The following GLIS3 variants were observed in gnomAD, a reference collection of about 807,000 sequenced individuals.
GLIS3 encodes GLIS family zinc finger 3.
A neutral mutation model predicts 78.6 loss-of-function variants in GLIS3; 53 were observed. The ratio of observed to expected loss-of-function variants is 0.67; its 90% CI spans 0.54 to 0.85. GLIS3 has a LOEUF of 0.85. GLIS3 is among the 40% of genes least tolerant of loss of function. The pLI is 0.00. For synonymous variants in GLIS3, 684 were observed against 509.9 expected, an observed-to-expected ratio of 1.34 and a Z score of -4.60; for missense variants, 1,703 against 1,231.1, an observed-to-expected ratio of 1.38 and a Z score of -5.74.
intron 2 of GLIS3, chr9:4,150,857 C>G (rs1360871322): frequency 6.6e-6 from 1 of 152,212 alleles, no homozygotes; most frequent in East Asian, 1.9e-4. Context: ...AGTACTTGGG[C>G]ACCCAACTAA....
At chr9:3,943,836 C>T (rs1172350483) in intron 4 of GLIS3, among the ~76,000 whole-genome samples, 1 of 152,206 alleles carries the variant, frequency 6.6e-6, no homozygotes, top group African/African-American at 2.4e-5. Context: ...TCCAGATTAT[C>T]TGGAACTACT....
the GLIS3 span, among the ~76,000 whole-genome samples, chr9:4,407,474 T>A: frequency 1.3e-5 from 2 of 152,024 alleles, no homozygotes; most frequent in Non-Finnish European, 2.9e-5. Context: ...TGAAACCCCG[T>A]CTCTACTAAA....
intron 2 of GLIS3, among the ~76,000 whole-genome samples, chr9:4,199,968 C>T (rs1280728948): frequency 6.6e-6 from 1 of 152,088 alleles, no homozygotes; most frequent in African/African-American, 2.4e-5. Flanking sequence ...ACTCTTGGAC[C>T]ACAGTGGAAT....
chr9:4,283,331 T>C (rs1404913597), intron 2 of GLIS3, among the ~76,000 whole-genome samples: 1 of 151,328 alleles, frequency 6.6e-6, no homozygotes, highest in Admixed American at 6.6e-5. Context: ...AATGGCGCAA[T>C]CTCTGCTCAC....
At chr9:3,964,711 T>C (rs1405122701) in intron 4 of GLIS3, among the ~76,000 whole-genome samples, 1 of 152,214 alleles carries the variant, frequency 6.6e-6, no homozygotes, top group African/African-American at 2.4e-5. Flanking sequence ...TTTTCATATT[T>C]TGTCTTCAAA....
At chr9:4,217,696 G>C (rs544877108) in intron 2 of GLIS3, among the ~76,000 whole-genome samples, 1 of 152,278 alleles carries the variant, frequency 6.6e-6, no homozygotes, top group African/African-American at 2.4e-5. Context: ...ACAGGCCCAG[G>C]GCAGGATTCT....
chr9:3,837,500 C>G (rs762602772), intron 9 of GLIS3, among the ~76,000 whole-genome samples: 4 of 152,052 alleles, frequency 2.6e-5, no homozygotes, highest in Non-Finnish European at 5.9e-5. Flanking sequence ...TCATCACTGC[C>G]AAAATTTGGA....
intron 2 of GLIS3, among the ~76,000 whole-genome samples, chr9:4,244,437 C>G (rs543192846): frequency 2.0e-5 from 3 of 152,148 alleles, no homozygotes; most frequent in Non-Finnish European, 4.4e-5. Context: ...TTAAATATTA[C>G]ATAAAATGAG....
intron 4 of GLIS3, among the ~76,000 whole-genome samples, chr9:4,079,419 G>C (rs1828356444): frequency 6.6e-6 from 1 of 152,146 alleles, no homozygotes; most frequent in South Asian, 2.1e-4. Flanking sequence ...GCAAGCCATA[G>C]CGAAGAAAGC....
intron 4 of GLIS3, among the ~76,000 whole-genome samples, chr9:4,059,596 T>C (rs541699178): frequency 2.0e-5 from 3 of 152,202 alleles, no homozygotes. Context: ...GGGAATAACC[T>C]GGAGACTGGT....
intron 6 of GLIS3, among the ~76,000 whole-genome samples, chr9:3,921,445 C>G (rs943122978): frequency 1.3e-5 from 2 of 152,164 alleles, no homozygotes; most frequent in Non-Finnish European, 2.9e-5. Context: ...CAAACTCAGT[C>G]AGGCACAGTT....
chr9:4,487,208 A>G, the GLIS3 span, among the ~76,000 whole-genome samples: 19 of 152,214 alleles, frequency 1.2e-4, no homozygotes, highest in South Asian at 2.7e-3. Flanking sequence ...CTGATGATCA[A>G]TGAGCAAGAG....
rs145670205 is a variant in GLIS3 at position 3,898,851 on chromosome 9, G to A, written c.1984-16C>T. 8.1e-5 allele frequency: 130 copies of A among 1,613,790 alleles called. No homozygotes were observed. Among genetic ancestry groups the A allele is most frequent in the Non-Finnish European group, 1.0e-4 (119 of 1,179,992 alleles). ...TGGACCGCAACTAAGAGGACAAAACGGAAGAGACATCGATAAGGAGAGCCG... is the reference window on the plus strand; with the variant it reads ...TGGACCGCAACTAAGAGGACAAAACAGAAGAGACATCGATAAGGAGAGCCG... On this transcript the variant is annotated splice_polypyrimidine_tract_variant and intron_variant, in intron 6 of 10. Transcript: ENST00000381971.
At chr9:3,941,265 G>A (rs1011019594) in intron 4 of GLIS3, among the ~76,000 whole-genome samples, 4 of 152,090 alleles carry the variant, frequency 2.6e-5, no homozygotes, top group Non-Finnish European at 1.5e-5. Flanking sequence ...GGATGGAAGA[G>A]GCATCTCCAT....
chr9:3,939,933 A>C (rs1182591629), intron 4 of GLIS3, among the ~76,000 whole-genome samples: 1 of 152,256 alleles, frequency 6.6e-6, no homozygotes, highest in Non-Finnish European at 1.5e-5. Context: ...AACTCATCAC[A>C]GGAGTGTGCA....
chr9:4,345,164 C>T (rs1817882772), intron 2 of GLIS3, among the ~76,000 whole-genome samples: 1 of 152,202 alleles, frequency 6.6e-6, no homozygotes, highest in Non-Finnish European at 1.5e-5. Context: ...TCTGACTCAT[C>T]CTTTCCTGCC....
intron 2 of GLIS3, among the ~76,000 whole-genome samples, chr9:4,259,654 A>T (rs1031933605): frequency 2.0e-5 from 3 of 152,196 alleles, no homozygotes; most frequent in Non-Finnish European, 4.4e-5. Flanking sequence ...ATGCAAGAGT[A>T]ACCCAAATAA....
rs781460553 is a variant in GLIS3, at chr9:3,879,499, T to C, written c.2225A>G (p.Asn742Ser). Reference protein sequence around the residue: ...HPVSHPSPGHNVQGSPHNPSS... With the variant: ...HPVSHPSPGHSVQGSPHNPSS... ...GGGGTTGTGAGGGCTCCCCTGTACA[T>C]TATGTCCTGGAGAAGGGTGACTGAC... is the stretch of plus-strand genomic sequence containing the variant. The change falls in exon 8 of 11, where the codon AAT (asparagine) becomes AGT (serine). Residue 742 changes from asparagine to serine, a missense_variant. Asn to Ser is a conservative substitution (Grantham distance 46, BLOSUM62 1). Transcript: ENST00000381971. 1.2e-6 allele frequency: 2 copies of C among 1,614,016 alleles called. No homozygotes were observed. Among genetic ancestry groups the C allele is most frequent in the East Asian group, 4.5e-5 (2 of 44,870 alleles).
At chr9:3,880,037 G>C (rs948067910) in intron 7 of GLIS3, among the ~76,000 whole-genome samples, 2 of 152,112 alleles carry the variant, frequency 1.3e-5, no homozygotes, top group African/African-American at 4.8e-5. Flanking sequence ...AGCCACGGTA[G>C]GTCAGCTGGG....
Sources: allele counts gnomAD v4.1 joint callset (sites outside exome capture counted in the v4.1 genomes callset), GRCh38; gene constraint gnomAD v4.1.1; transcripts MANE v1.5; gene names NCBI Gene and HGNC (gene_info 2026-07-23, HGNC 2026-07-21).